CCNB1IP1: variants seen among roughly 807,000 people sequenced by gnomAD.
CCNB1IP1 encodes cyclin B1 interacting protein 1.
Under a neutral mutation model 25.6 loss-of-function variants are expected in CCNB1IP1, and 14 were observed. The ratio of observed to expected loss-of-function variants is 0.55; its 90% CI spans 0.36 to 0.85. The LOEUF is 0.85. Ranked by LOEUF, CCNB1IP1 falls within the 40% of genes least tolerant of loss-of-function variation. The probability of loss-of-function intolerance (pLI) is 0.01; values close to 1 mark genes in which losing one functional copy is unlikely to be tolerated. For synonymous variants in CCNB1IP1, 119 were observed against 116.1 expected (o/e 1.02, Z -0.16); for missense variants, 278 against 342.4 (o/e 0.81, Z 1.48).
intron 4 of CCNB1IP1, chr14:20,319,238 T>TA (rs1264838812): frequency 1.3e-5 from 2 of 152,270 alleles, no homozygotes; most frequent in Non-Finnish European, 2.9e-5. Flanking sequence ...TGCAACTTCC[T>TA]ACAAGGTTTG....
At chr14:20,320,365 T>TG (rs1882851398) in intron 4 of CCNB1IP1, 1 of 455,968 alleles carries the variant, frequency 2.2e-6, no homozygotes, top group South Asian at 1.5e-5. Flanking sequence ...CAGTATTTGA[T>TG]GGAGTGGTAG....
In CCNB1IP1 at chr14:20,315,395, T is replaced by A. The variant is rs956138460; in HGVS notation, c.297+832A>T. 10 of 747,636 alleles carry A rather than the reference T, an allele frequency of 1.3e-5. No homozygotes were observed. The African/African-American group carries it at 1.9e-4, about 14-fold the overall frequency. 46.3% of individuals were successfully genotyped at this position (747,636 alleles called of 1,614,324 possible). On this transcript the variant is annotated intron_variant, in intron 5 of 6. Coordinates refer to ENST00000358932, the MANE Select transcript of CCNB1IP1 (RefSeq NM_021178.5). ...TGGCAGTTGCTTACAAAAATAAACA[T>A]ACTCTCACCACATAAGCCAGCAAAA...
At chr14:20,314,813 C>T (rs1192566632) in intron 5 of CCNB1IP1, among the ~76,000 whole-genome samples, 1 of 151,906 alleles carries the variant, frequency 6.6e-6, no homozygotes, top group Admixed American at 6.6e-5. Flanking sequence ...AGAACTCGGC[C>T]GGGCGCGGTG....
intron 2 of CCNB1IP1, among the ~76,000 whole-genome samples, chr14:20,328,154 T>C: frequency 6.6e-6 from 1 of 152,192 alleles, no homozygotes; most frequent in East Asian, 1.9e-4. Context: ...TACAACCCCC[T>C]ATTTACAGGA....
At chr14:20,316,661 C>T (rs1882709075) in intron 4 of CCNB1IP1, 101 bp from the exon 5 acceptor site, 2 of 613,266 alleles carry the variant, frequency 3.3e-6, no homozygotes, top group Non-Finnish European at 5.7e-6. Flanking sequence ...AAATACTGCA[C>T]ATTTTATTAT....
intron 2 of CCNB1IP1, among the ~76,000 whole-genome samples, chr14:20,328,342 A>G (rs948946653): frequency 6.6e-6 from 1 of 152,238 alleles, no homozygotes; most frequent in African/African-American, 2.4e-5. Context: ...ATGCTAGCTC[A>G]GTAGGTTGGA....
chr14:20,329,783 C>T (rs913296526), intron 1 of CCNB1IP1, among the ~76,000 whole-genome samples: 11 of 152,104 alleles, frequency 7.2e-5, no homozygotes, highest in Admixed American at 2.0e-4. Flanking sequence ...CATAGCTGCA[C>T]TAATTAATAT....
At chr14:20,326,680 A>G (rs187656560) in intron 3 of CCNB1IP1, 36 bp downstream of exon 3, 8 of 313,920 alleles carry the variant, frequency 2.5e-5, no homozygotes, top group Middle Eastern at 8.3e-4. Flanking sequence ...AGAAATCCAA[A>G]TGAGGTAAAA....
In CCNB1IP1 at chr14:20,313,788, C is replaced by T. The variant is rs144509565; in HGVS notation, c.311G>A (p.Arg104His). Residue 104 changes from arginine (R) to histidine (H), a missense_variant, in exon 6 of 7, where the codon CGT becomes CAT. Physicochemically the swap from Arg to His is conservative, Grantham distance 29 (BLOSUM62 0). Coordinates refer to ENST00000358932, the MANE Select transcript of CCNB1IP1 (RefSeq NM_021178.5). ...AFWTYQVHQE[R>H]LYQEYNFSKA... ...GCTGAAATTGTATTCTTGATAGAGA[C>T]GTTCCTGATGTACCTGGTTCCAAAA... 267 of 1,573,954 alleles carry T rather than the reference C, an allele frequency of 1.7e-4. No individual in the cohort carries two copies. The East Asian group carries it at 4.8e-3, about 28-fold the overall frequency.
chr14:20,330,085 TCA>T (rs1281307188), intron 1 of CCNB1IP1, among the ~76,000 whole-genome samples: 1 of 147,368 alleles, frequency 6.8e-6, no homozygotes, highest in African/African-American at 2.5e-5. Context: ...CCTAAAAATT[TCA>T]CACTTTTCCA....
intron 3 of CCNB1IP1, 141 bp downstream of exon 3, chr14:20,326,575 C>T (rs1388829804): frequency 1.9e-6 from 1 of 527,734 alleles, no homozygotes; most frequent in South Asian, 1.4e-5. Context: ...CATCCCTAAA[C>T]AGGAAAATTC....
chr14:20,320,741 G>C (rs932518467), intron 4 of CCNB1IP1, among the ~76,000 whole-genome samples: 7 of 147,644 alleles, frequency 4.7e-5, no homozygotes, highest in African/African-American at 1.8e-4. Flanking sequence ...GGAGGCGGAG[G>C]TTGCAGTGAG....
intron 5 of CCNB1IP1, chr14:20,315,811 A>G: frequency 8.0e-7 from 1 of 1,247,526 alleles, no homozygotes; most frequent in Non-Finnish European, 1.0e-6. Flanking sequence ...CAGGAGGCTG[A>G]GGCGGGAGAA....
intron 4 of CCNB1IP1, among the ~76,000 whole-genome samples, chr14:20,320,109 G>A (rs1882843619): frequency 1.3e-5 from 2 of 152,208 alleles, no homozygotes; most frequent in South Asian, 4.1e-4. Context: ...TCATTTAACA[G>A]TAATATGACA....
intron 4 of CCNB1IP1, among the ~76,000 whole-genome samples, chr14:20,323,917 CAAAAAAAAAAA>C (rs59156707): frequency 4.1e-5 from 3 of 73,718 alleles, no homozygotes; most frequent in Non-Finnish European, 7.6e-5. Flanking sequence ...GACTCCGTCT[CAAAAAAAAAAA>C]AAAAAAAAAA....
At chr14:20,326,286 A>AT (rs1305736578) in intron 3 of CCNB1IP1, among the ~76,000 whole-genome samples, 1 of 152,216 alleles carries the variant, frequency 6.6e-6, no homozygotes, top group African/African-American at 2.4e-5. Context: ...CACAAAAGTG[A>AT]TTTTTTGGGG....
At chr14:20,316,584 C>A in intron 4 of CCNB1IP1, 24 bp from the exon 5 acceptor site, 39 of 1,360,428 alleles carry the variant, frequency 2.9e-5, no homozygotes, top group South Asian at 1.9e-4. Context: ...AATAAAAAGG[C>A]CAAGTAAGTT....
In CCNB1IP1 at chr14:20,315,847, T is replaced by G. The variant is rs1375316032; in HGVS notation, c.297+380A>C. On this transcript the variant is annotated intron_variant, in intron 5 of 6. Coordinates refer to ENST00000358932, the MANE Select transcript of CCNB1IP1 (RefSeq NM_021178.5). The stretch of plus-strand genomic sequence containing the variant: ...TGGCTTGAACCCAGGAGTTAGAGAC[T>G]AGCCTGGGCAACACAAGAAAACCCC... 3 of 885,932 alleles carry G rather than the reference T, an allele frequency of 3.4e-6. No individual in the cohort carries two copies. The African/African-American group carries it at 5.2e-5, about 15-fold the overall frequency. 54.9% of individuals were successfully genotyped at this position (885,932 alleles called of 1,614,324 possible).
intron 4 of CCNB1IP1, among the ~76,000 whole-genome samples, chr14:20,319,602 C>T (rs1185853673): frequency 1.3e-5 from 2 of 152,190 alleles, no homozygotes; most frequent in Non-Finnish European, 1.5e-5. Context: ...AAATACTTAA[C>T]ATTAATTCAT....
Sources: gnomAD v4.1 joint callset for allele counts (sites outside exome capture counted in the v4.1 genomes callset) on GRCh38, gnomAD v4.1.1 for gene constraint, MANE v1.5 for transcripts, NCBI Gene and HGNC (gene_info 2026-07-23, HGNC 2026-07-21) for gene names.